Variants in LRRC3B observed in about 807,000 individuals in gnomAD.
LRRC3B encodes leucine rich repeat containing 3B.
In LRRC3B, 2 loss-of-function variants were observed where a neutral mutation model predicts 12.8. The observed-to-expected ratio is 0.16, with a 90% confidence interval of 0.06 to 0.49. LRRC3B has a LOEUF of 0.49. Ranked by LOEUF, LRRC3B falls within the 20% of genes least tolerant of loss-of-function variation. LRRC3B has a pLI of 0.96. For missense variants in LRRC3B, 189 were observed against 319.4 expected (o/e 0.59, Z 3.11); for synonymous variants, 132 against 122.0 (o/e 1.08, Z -0.54).
At chr3:26,648,064 G>A (rs2125413022) in intron 1 of LRRC3B, among the ~76,000 whole-genome samples, 1 of 151,758 alleles carries the variant, frequency 6.6e-6, no homozygotes, top group African/African-American at 2.4e-5. Context: ...TCTTGCCCAT[G>A]TATGGTATAA....
At chr3:26,625,716 G>A (rs181440731) in intron 1 of LRRC3B, among the ~76,000 whole-genome samples, 9 of 152,286 alleles carry the variant, frequency 5.9e-5, no homozygotes, top group Admixed American at 3.9e-4. Flanking sequence ...TCAGGTTGCT[G>A]AACTGTTCTG....
intron 1 of LRRC3B, among the ~76,000 whole-genome samples, chr3:26,693,704 G>A (rs951814264): frequency 6.6e-6 from 1 of 152,200 alleles, no homozygotes; most frequent in Non-Finnish European, 1.5e-5. Flanking sequence ...GCAGTAACTA[G>A]TAACTACTAA....
Position 26,691,105 on chromosome 3 carries a change from G to GTGTGTATATATATATA in LRRC3B, c.-160-18407_-160-18406insGTGTATATATATATAT, listed in dbSNP as rs372629683. Among the ~76,000 whole-genome samples the GTGTGTATATATATATA allele has an allele frequency of 4.0e-3, 341 of 84,800 alleles. 1 individual carries two copies. The highest frequency in any genetic ancestry group is 0.027 in the East Asian group (48 of 1,774). The allele number at this position is 84,800 out of a possible 152,430, so 55.6% of individuals were successfully genotyped here. ...TGTGTGTGTATATGTGTGTGTGTGT[G>GTGTGTATATATATATA]TATATATATATATATATATATATAT... On this transcript the variant is annotated intron_variant, in intron 1 of 1. Coordinates refer to ENST00000396641, the Ensembl canonical transcript of LRRC3B.
intron 1 of LRRC3B, among the ~76,000 whole-genome samples, chr3:26,646,617 A>ACGG (rs1699153175): frequency 1.9e-4 from 12 of 64,138 alleles, no homozygotes; most frequent in Non-Finnish European, 4.1e-4. Flanking sequence ...AAAAAAAAAA[A>ACGG]AAAAAAAAAA....
chr3:26,644,679 A>C (rs1333634651), intron 1 of LRRC3B, among the ~76,000 whole-genome samples: 54 of 152,202 alleles, frequency 3.5e-4, no homozygotes, highest in Non-Finnish European at 5.9e-5. Flanking sequence ...TATTAAGGGC[A>C]TTTTGGGACA....
intron 1 of LRRC3B, among the ~76,000 whole-genome samples, chr3:26,667,100 A>C (rs558698479): frequency 6.8e-6 from 1 of 147,298 alleles, no homozygotes; most frequent in Non-Finnish European, 1.5e-5. Context: ...AACCATTATT[A>C]GTAAAGTCTC....
At chr3:26,641,110 C>T (rs1203219131) in intron 1 of LRRC3B, among the ~76,000 whole-genome samples, 2 of 152,182 alleles carry the variant, frequency 1.3e-5, no homozygotes, top group African/African-American at 2.4e-5. Context: ...GGTATTGCCT[C>T]TACTGCTAGT....
chr3:26,644,133 G>T (rs138283427), intron 1 of LRRC3B, among the ~76,000 whole-genome samples: 1 of 152,138 alleles, frequency 6.6e-6, no homozygotes, highest in East Asian at 1.9e-4. Flanking sequence ...CTTAGGATGA[G>T]GAATCATTTA....
At chr3:26,663,232 T>C (rs779389785) in intron 1 of LRRC3B, among the ~76,000 whole-genome samples, 4 of 152,196 alleles carry the variant, frequency 2.6e-5, no homozygotes, top group African/African-American at 4.8e-5. Flanking sequence ...AGTTAGGTAT[T>C]GTGTTTGCTT....
intron 1 of LRRC3B, among the ~76,000 whole-genome samples, chr3:26,635,364 C>T (rs1363871994): frequency 6.6e-6 from 1 of 152,156 alleles, no homozygotes; most frequent in Non-Finnish European, 1.5e-5. Context: ...AAAGTCCTAA[C>T]CCCCAATGTG....
At chr3:26,707,030 T>C (rs963266626) in intron 1 of LRRC3B, among the ~76,000 whole-genome samples, 18 of 152,086 alleles carry the variant, frequency 1.2e-4, no homozygotes, top group African/African-American at 4.1e-4. Context: ...ACTAAAACTA[T>C]GGCTAAAAAG....
In LRRC3B at chr3:26,685,633, ATC is replaced by A. The variant is rs201587352; in HGVS notation, c.-160-23878_-160-23877del. Among the ~76,000 whole-genome samples the A allele has an allele frequency of 9.6e-3, 768 of 80,102 alleles. 18 individuals are homozygous for A. The highest frequency in any genetic ancestry group is 0.032 in the Middle Eastern group (5 of 154). The allele number at this position is 80,102 out of a possible 152,430, so 52.6% of individuals were successfully genotyped here. ...TGTGTGTGTATATATATATATATAT[ATC>A]TATATACCTCATTTTTAAAAACTAC... On this transcript the variant is annotated intron_variant, in intron 1 of 1. Coordinates refer to ENST00000396641, the Ensembl canonical transcript of LRRC3B.
At chr3:26,686,780 G>T (rs1197819547) in intron 1 of LRRC3B, among the ~76,000 whole-genome samples, 2 of 152,154 alleles carry the variant, frequency 1.3e-5, no homozygotes, top group Non-Finnish European at 2.9e-5. Context: ...GGGAAGGAAT[G>T]GCAAGAAGGA....
chr3:26,710,067 C>T, exon 2 of LRRC3B: 2 of 1,614,108 alleles, frequency 1.2e-6, no homozygotes, highest in Non-Finnish European at 1.7e-6. Flanking sequence ...CACAAAAATG[C>T]CTTCAATAAC....
At chr3:26,630,916 C>A (rs1052024463) in intron 1 of LRRC3B, among the ~76,000 whole-genome samples, 9 of 152,096 alleles carry the variant, frequency 5.9e-5, no homozygotes, top group African/African-American at 2.2e-4. Flanking sequence ...AGGACAGGCC[C>A]GGGCAAATGG....
chr3:26,677,944 C>A (rs1262634571), intron 1 of LRRC3B, among the ~76,000 whole-genome samples: 1 of 152,018 alleles, frequency 6.6e-6, no homozygotes, highest in Non-Finnish European at 1.5e-5. Context: ...GGACTACAGG[C>A]ATGTGCCAAC....
intron 1 of LRRC3B, among the ~76,000 whole-genome samples, chr3:26,681,187 T>C (rs1178804774): frequency 1.3e-5 from 2 of 152,176 alleles, no homozygotes; most frequent in Admixed American, 1.3e-4. Context: ...ATGGAAGTGC[T>C]TTTAGACATA....
intron 1 of LRRC3B, among the ~76,000 whole-genome samples, chr3:26,643,256 G>GTGTGTA (rs1491104806): frequency 7.1e-5 from 6 of 84,970 alleles, no homozygotes; most frequent in East Asian, 8.5e-4. Context: ...ATATGTGTGA[G>GTGTGTA]TGTGTGTGTG....
chr3:26,700,388 A>G (rs1248121998), intron 1 of LRRC3B, among the ~76,000 whole-genome samples: 1 of 152,170 alleles, frequency 6.6e-6, no homozygotes, highest in Non-Finnish European at 1.5e-5. Flanking sequence ...TGCATGTTAA[A>G]TGAGACCTGT....
Sources: allele counts gnomAD v4.1 joint callset (sites outside exome capture counted in the v4.1 genomes callset), GRCh38; gene constraint gnomAD v4.1.1; transcripts MANE v1.5; gene names NCBI Gene and HGNC (gene_info 2026-07-23, HGNC 2026-07-21).